The following PARD6G variants were observed in gnomAD, a reference collection of about 807,000 sequenced individuals.
PARD6G encodes the protein par-6 family cell polarity regulator gamma.
Under a neutral mutation model 10.7 loss-of-function variants are expected in PARD6G, and 7 were observed. The observed-to-expected ratio is 0.66, with a 90% CI of 0.37 to 1.23. The LOEUF is 1.23. Among genes scored for constraint, PARD6G ranks in the 50% most tolerant of loss-of-function variants. PARD6G has a pLI of 0.02. For synonymous variants in PARD6G, 287 were observed against 269.4 expected (o/e 1.07, Z -0.64); for missense variants, 548 against 571.8 (o/e 0.96, Z 0.42).
At chr18:80,174,657 A>C (rs2052797171) in intron 2 of PARD6G, among the ~76,000 whole-genome samples, 1 of 152,162 alleles carries the variant, frequency 6.6e-6, no homozygotes, top group African/African-American at 2.4e-5. Flanking sequence ...TGCCAAAGTA[A>C]AAAATGTTCA....
intron 1 of PARD6G, among the ~76,000 whole-genome samples, chr18:80,236,345 C>T (rs375422423): frequency 5.3e-5 from 8 of 152,104 alleles, no homozygotes; most frequent in East Asian, 3.8e-4. Flanking sequence ...ATTGATGGGA[C>T]GTATCTCAAA....
At position 80,231,113 on chromosome 18, in the gene PARD6G, T is replaced by G. The variant is rs1339837747; in HGVS notation, c.72+16164A>C. On this transcript the variant is annotated intron_variant, in intron 1 of 2. Transcript: ENST00000353265. This position sits in a 1 kb window ranked among gnomAD's most constrained non-coding sequence, Gnocchi z 4.2. ...CCCAGGTGGGAGGGGATGCCCCTCA[T>G]GGAGGGAATGGACAAGGATGGCCCA... Among the ~76,000 whole-genome samples the G allele has an allele frequency of 1.3e-5, 2 of 152,056 alleles. No homozygotes were observed. The highest frequency in any genetic ancestry group is 6.6e-5 in the Admixed American group (1 of 15,258).
chr18:80,159,996 G>T lies in PARD6G; in HGVS notation c.906C>A (p.Val302=). The change falls in exon 3 of 3, where the codon GTC becomes GTA. Residue 302 remains valine, a synonymous_variant. Transcript: ENST00000353265. ...EAESDEDNDV[V]IEGTLEPARP... is the part of the protein sequence containing the mutation. ...GTGCAGGCTCCAGTGTGCCCTCGAT[G>T]ACGACGTCGTTGTCCTCATCGCTCT... 6.6e-7 allele frequency: 1 copy of T among 1,512,430 alleles called. No individual in the cohort carries two copies. The highest frequency in any genetic ancestry group is 2.3e-5 in the East Asian group (1 of 42,772). The allele number at this position is 1,512,430 out of a possible 1,614,324, so 93.7% of individuals were successfully genotyped here. A position where few individuals can be genotyped will look rare whatever the true frequency, so the allele number is the denominator to read the frequency against.
At position 80,159,804 on chromosome 18, in the gene PARD6G, G is replaced by T; in HGVS notation, c.1098C>A (p.Gly366=). The T allele has an allele frequency of 6.9e-7, 1 of 1,455,644 alleles. No homozygotes were observed. Among genetic ancestry groups the T allele is most frequent in the Non-Finnish European group, 9.0e-7 (1 of 1,110,232 alleles). The allele number at this position is 1,455,644 out of a possible 1,614,324, so 90.2% of individuals were successfully genotyped here. ...PRHSLALPPG[G]VEEHGPAVTL ...TGACCGCGGGCCCGTGCTCCTCCAC[G>T]CCGCCTGGCGGCAGCGCCAGGCTGT... The change falls in exon 3 of 3, where the codon GGC becomes GGA. Residue 366 remains glycine, a synonymous_variant. Coordinates refer to ENST00000353265, the MANE Select transcript of PARD6G (RefSeq NM_032510.4).
intron 1 of PARD6G, among the ~76,000 whole-genome samples, chr18:80,210,894 C>T (rs1344234652): frequency 6.6e-6 from 1 of 151,594 alleles, no homozygotes; most frequent in African/African-American, 2.4e-5. Context: ...ACCTCCCCAC[C>T]CCCCATCCCC....
intron 1 of PARD6G, among the ~76,000 whole-genome samples, chr18:80,216,561 T>A (rs1353032076): frequency 1.3e-5 from 2 of 152,022 alleles, no homozygotes; most frequent in African/African-American, 2.4e-5. Flanking sequence ...AGAAAATATG[T>A]AGAGATTAAT....
chr18:80,160,556 G>A lies in PARD6G; in HGVS notation c.346C>T (p.Arg116Trp), dbSNP rs534345909. 1.4e-6 allele frequency: 2 copies of A among 1,480,180 alleles called. No homozygotes were observed. The highest frequency in any genetic ancestry group is 1.8e-6 in the Non-Finnish European group (2 of 1,118,676). The allele number at this position is 1,480,180 out of a possible 1,614,324, so 91.7% of individuals were successfully genotyped here. The change falls in exon 3 of 3, where the codon CGG becomes TGG. Residue 116 changes from arginine to tryptophan, a missense_variant. Arg to Trp is a moderately radical substitution (Grantham distance 101, BLOSUM62 -3). Around this residue, in one of 2 missense-constraint regions of PARD6G, gnomAD observed 235 missense variants for 291.9 expected, o/e 0.81. Transcript: ENST00000353265. ...LGAGSLCRRRRALGALRDEGP... is the reference protein window; with the variant it reads ...LGAGSLCRRRWALGALRDEGP... ...TCATCACGCAGCGCGCCCAGCGCCC[G>A]CCTCCGCCTGCACAGCGAGCCCGCG... is the stretch of plus-strand genomic sequence containing the variant.
intron 1 of PARD6G, among the ~76,000 whole-genome samples, chr18:80,233,302 C>T (rs951788123): frequency 8.5e-5 from 13 of 152,178 alleles, no homozygotes; most frequent in South Asian, 2.1e-4. Context: ...CATGTGCCAC[C>T]GCATAGCCGG....
intron 1 of PARD6G, among the ~76,000 whole-genome samples, chr18:80,240,729 T>A (rs181696485): frequency 6.6e-6 from 1 of 152,162 alleles, no homozygotes; most frequent in African/African-American, 2.4e-5. Flanking sequence ...ACTCAGCACA[T>A]TGACTGGTCT....
intron 2 of PARD6G, among the ~76,000 whole-genome samples, chr18:80,185,127 T>C (rs1262292454): frequency 1.3e-5 from 2 of 152,200 alleles, no homozygotes; most frequent in Non-Finnish European, 1.5e-5. Context: ...TCGACGTTGA[T>C]GAATTACAAT....
At chr18:80,199,689 C>T (rs1005315613) in intron 2 of PARD6G, among the ~76,000 whole-genome samples, 7 of 152,186 alleles carry the variant, frequency 4.6e-5, no homozygotes, top group Non-Finnish European at 1.0e-4. Context: ...GTCACCCAGG[C>T]TGGAGGGCAG....
At chr18:80,215,347 T>C (rs995857179) in intron 1 of PARD6G, among the ~76,000 whole-genome samples, 8 of 152,190 alleles carry the variant, frequency 5.3e-5, no homozygotes, top group African/African-American at 1.7e-4. Context: ...TACATAGGTA[T>C]ATAAAAATGA....
chr18:80,157,637 C>T lies in PARD6G; in HGVS notation c.*2134G>A, dbSNP rs2052664537. On this transcript the variant is annotated 3_prime_UTR_variant, in exon 3 of 3. Transcript: ENST00000353265. ...TGCTTCTGACTGCTGGGGCACTGAA[C>T]GACATGCCCTTCATCAGAGAGCAAG... The T allele has an allele frequency of 6.6e-6, 1 of 152,154 alleles. No individual in the cohort carries two copies. Among genetic ancestry groups the T allele is most frequent in the South Asian group, 2.1e-4 (1 of 4,822 alleles). The allele number at this position is 152,154 out of a possible 1,614,324, so 9.4% of individuals were successfully genotyped here. A position where few individuals can be genotyped will look rare whatever the true frequency, so the allele number is the denominator to read the frequency against.
chr18:80,219,135 T>C (rs1213097841), intron 1 of PARD6G, among the ~76,000 whole-genome samples: 2 of 152,252 alleles, frequency 1.3e-5, no homozygotes, highest in Admixed American at 6.5e-5. Flanking sequence ...GTCTTGGTGA[T>C]TAACATTCGG....
In PARD6G at chr18:80,181,397, C is replaced by T. The variant is rs1008962022; in HGVS notation, c.296-20791G>A. 1.3e-5 allele frequency among the ~76,000 whole-genome samples: 2 copies of T among 152,166 alleles called. No homozygotes were observed. The highest frequency in any genetic ancestry group is 6.5e-5 in the Admixed American group (1 of 15,278). ...ACGCTCTGGGCACCGGGGGACCCTG[C>T]GTGCTTGGGTGCATTGCACACCCAG... On this transcript the variant is annotated intron_variant, in intron 2 of 2. Coordinates refer to ENST00000353265, the MANE Select transcript of PARD6G (RefSeq NM_032510.4). The surrounding 1 kb of genome is among the most constrained non-coding windows in gnomAD (Gnocchi z 7.9).
At chr18:80,206,108 C>A (rs1190013290) in intron 1 of PARD6G, among the ~76,000 whole-genome samples, 1 of 152,166 alleles carries the variant, frequency 6.6e-6, no homozygotes, top group Non-Finnish European at 1.5e-5. Context: ...CAATAATTTT[C>A]TCAAAATATG....
At chr18:80,168,835 G>A (rs911990676) in intron 2 of PARD6G, 2 of 169,078 alleles carry the variant, frequency 1.2e-5, no homozygotes, top group Non-Finnish European at 2.9e-5. Flanking sequence ...TAACAAGAGG[G>A]GAAATTGAAG....
chr18:80,166,514 G>A (rs777969965), intron 2 of PARD6G, among the ~76,000 whole-genome samples: 6 of 149,382 alleles, frequency 4.0e-5, no homozygotes, highest in Admixed American at 1.4e-4. Flanking sequence ...CATTGAAAGC[G>A]ATCAGTTACA....
intron 1 of PARD6G, among the ~76,000 whole-genome samples, chr18:80,229,298 A>G (rs1407397339): frequency 1.3e-5 from 2 of 152,222 alleles, no homozygotes; most frequent in Non-Finnish European, 2.9e-5. Flanking sequence ...TAGTAAATTT[A>G]AAAACACACA....
Sources: allele counts gnomAD v4.1 joint callset (sites outside exome capture counted in the v4.1 genomes callset), GRCh38; gene constraint gnomAD v4.1.1; regional missense constraint gnomAD v4.1.1; non-coding constraint Gnocchi (gnomAD v3.1); transcripts MANE v1.5; gene names NCBI Gene and HGNC (gene_info 2026-07-23, HGNC 2026-07-21).